Variants in ROBO2 observed in about 807,000 individuals in gnomAD.
The protein encoded by ROBO2 is roundabout guidance receptor 2.
In ROBO2, 53 loss-of-function variants were observed where a neutral mutation model predicts 160.8. That is an observed-to-expected ratio of 0.33 (90% CI 0.26 to 0.41). The LOEUF (loss-of-function observed/expected upper bound fraction) is 0.41. Ranked by LOEUF, ROBO2 falls within the 10% of genes least tolerant of loss-of-function variation. The pLI, the probability that ROBO2 is intolerant of heterozygous loss-of-function variation, is 1.00. For missense variants in ROBO2, 1,577 were observed against 1,722.4 expected (o/e 0.92, Z 1.49); for synonymous variants, 664 against 611.7 (o/e 1.09, Z -1.26).
intron 2 of ROBO2, among the ~76,000 whole-genome samples, chr3:76,106,490 G>A (rs763730355): frequency 3.3e-5 from 5 of 151,980 alleles, no homozygotes; most frequent in Admixed American, 6.6e-5. Flanking sequence ...TGAATAGAAC[G>A]TCTTGTCTTT....
At chr3:76,385,633 A>AT (rs2076847001) in intron 2 of ROBO2, among the ~76,000 whole-genome samples, 1 of 152,220 alleles carries the variant, frequency 6.6e-6, no homozygotes, top group Non-Finnish European at 1.5e-5. Flanking sequence ...AAACTCAGGC[A>AT]TTTTTCAAAG....
rs538680110 is a variant in ROBO2, at chr3:77,363,021, A to T, written c.389-114393A>T. Among the ~76,000 whole-genome samples the T allele has an allele frequency of 2.1e-4, 32 of 152,296 alleles. 1 individual carries two copies. In the South Asian group the frequency reaches 6.4e-3, roughly 31 times the overall value. The stretch of plus-strand genomic sequence containing the variant: ...CAAGATGAGATTTGGGTGGGGACAC[A>T]GTCAAACCATATCAAACAGGTAGAG... On this transcript the variant is annotated intron_variant, in intron 2 of 25. Coordinates refer to ENST00000461745, the Ensembl canonical transcript of ROBO2.
At chr3:76,478,684 T>G (rs946909073) in intron 2 of ROBO2, among the ~76,000 whole-genome samples, 4 of 149,812 alleles carry the variant, frequency 2.7e-5, no homozygotes, top group South Asian at 2.1e-4. Context: ...TTCTCTGTTT[T>G]TTTTTTTTTT....
intron 2 of ROBO2, among the ~76,000 whole-genome samples, chr3:76,015,380 A>G (rs2066379241): frequency 6.6e-6 from 1 of 152,188 alleles, no homozygotes; most frequent in South Asian, 2.1e-4. Context: ...CAGATATTTG[A>G]AGCTGCAAAT....
intron 2 of ROBO2, among the ~76,000 whole-genome samples, chr3:76,261,444 G>A (rs147337411): frequency 3.3e-5 from 5 of 151,730 alleles, no homozygotes; most frequent in Admixed American, 6.6e-5. Flanking sequence ...ATTTTTTTGG[G>A]GGGGAACTAT....
chr3:76,141,159 C>CTCTATATATATA (rs1364431015), intron 2 of ROBO2, among the ~76,000 whole-genome samples: 5 of 9,174 alleles, frequency 5.5e-4, no homozygotes, highest in East Asian at 7.6e-3. Context: ...CTCTCTCTCT[C>CTCTATATATATA]TATATATATA....
intron 2 of ROBO2, among the ~76,000 whole-genome samples, chr3:76,064,346 C>T (rs1378445490): frequency 2.6e-5 from 4 of 152,134 alleles, no homozygotes; most frequent in African/African-American, 9.7e-5. Context: ...GCTGAGGAAG[C>T]TCGGCTGCAA....
chr3:77,474,524 C>A (rs1227595451), intron 2 of ROBO2, among the ~76,000 whole-genome samples: 1 of 152,106 alleles, frequency 6.6e-6, no homozygotes, highest in African/African-American at 2.4e-5. Context: ...TATTTCTCTT[C>A]ATCATATTTA....
intron 2 of ROBO2, among the ~76,000 whole-genome samples, chr3:77,306,498 A>G (rs1471381502): frequency 6.6e-6 from 1 of 152,176 alleles, no homozygotes. Context: ...TGTTTCTTCT[A>G]TAGTAAAATC....
At chr3:76,316,394 G>A (rs2107828438) in intron 2 of ROBO2, among the ~76,000 whole-genome samples, 1 of 152,230 alleles carries the variant, frequency 6.6e-6, no homozygotes, top group East Asian at 1.9e-4. Context: ...AGAATTTAGT[G>A]ATATCGCTCC....
At position 76,246,187 on chromosome 3, in the gene ROBO2, T is replaced by A. The variant is rs149094495; in HGVS notation, c.109+308585T>A. On this transcript the variant is annotated intron_variant, in intron 2 of 26. Transcript: ENST00000487694. ...CAGGAAATGGTGTGTTTGACTCCTA[T>A]TTCCTGCATATCATCTCACAAGAGT... Among the ~76,000 whole-genome samples the A allele has an allele frequency of 5.9e-5, 9 of 152,232 alleles. 1 individual carries two copies. The highest frequency in any genetic ancestry group is 3.4e-3 in the Middle Eastern group (1 of 294).
chr3:76,893,555 A>G (rs2074524109), intron 2 of ROBO2, among the ~76,000 whole-genome samples: 1 of 151,992 alleles, frequency 6.6e-6, no homozygotes, highest in Non-Finnish European at 1.5e-5. Flanking sequence ...ATAACATATT[A>G]CATATATATG....
At chr3:76,512,802 A>G (rs2081166568) in intron 2 of ROBO2, among the ~76,000 whole-genome samples, 1 of 152,182 alleles carries the variant, frequency 6.6e-6, no homozygotes, top group South Asian at 2.1e-4. Flanking sequence ...ATATTTCATT[A>G]TGTATATACA....
chr3:76,845,070 A>C (rs1320425214), intron 2 of ROBO2, among the ~76,000 whole-genome samples: 2 of 151,984 alleles, frequency 1.3e-5, no homozygotes, highest in African/African-American at 4.8e-5. Flanking sequence ...AACGTAAAAG[A>C]ATCAAAGATT....
At chr3:77,273,199 A>G (rs1278891691) in intron 2 of ROBO2, among the ~76,000 whole-genome samples, 1 of 152,132 alleles carries the variant, frequency 6.6e-6, no homozygotes, top group East Asian at 1.9e-4. Context: ...CGTATAAGAA[A>G]ATGTGGCACA....
chr3:76,245,975 G>C (rs906356629), intron 2 of ROBO2, among the ~76,000 whole-genome samples: 1 of 152,098 alleles, frequency 6.6e-6, no homozygotes, highest in African/African-American at 2.4e-5. Context: ...ATTAAATAAA[G>C]AGAAGAAGCT....
intron 2 of ROBO2, among the ~76,000 whole-genome samples, chr3:77,354,786 G>A (rs2068831451): frequency 6.6e-6 from 1 of 152,162 alleles, no homozygotes; most frequent in African/African-American, 2.4e-5. Context: ...TGGAAAGAGT[G>A]AAAAGTCACA....
chr3:76,657,678 A>ATATATGTGTATATATATT (rs1170068318), intron 2 of ROBO2, among the ~76,000 whole-genome samples: 1 of 43,516 alleles, frequency 2.3e-5, no homozygotes, highest in African/African-American at 1.7e-4. Flanking sequence ...GTATATATAT[A>ATATATGTGTATATATATT]CATATATGTG....
At chr3:77,266,289 A>C (rs1382718997) in intron 2 of ROBO2, among the ~76,000 whole-genome samples, 1 of 151,884 alleles carries the variant, frequency 6.6e-6, no homozygotes, top group African/African-American at 2.4e-5. Context: ...ATTGCAATCT[A>C]ACCTTGATAT....
Sources: allele counts gnomAD v4.1 joint callset (sites outside exome capture counted in the v4.1 genomes callset), GRCh38; gene constraint gnomAD v4.1.1; transcripts MANE v1.5; gene names NCBI Gene and HGNC (gene_info 2026-07-23, HGNC 2026-07-21).